The following SLC25A29 variants were observed in gnomAD, a reference collection of about 807,000 sequenced individuals.
The protein encoded by SLC25A29 is solute carrier family 25 member 29.
SLC25A29 carries 13 observed loss-of-function variants against 10.0 expected under a neutral mutation model. The ratio of observed to expected loss-of-function variants is 1.30; its 90% CI spans 0.85 to 2.07. The LOEUF (loss-of-function observed/expected upper bound fraction) is 2.07, where lower values mean the gene tolerates loss of function less well. Ranked by LOEUF, SLC25A29 falls within the 30% of genes most tolerant of loss-of-function variation. The probability of loss-of-function intolerance (pLI) is 0.00; values close to 1 mark genes in which losing one functional copy is unlikely to be tolerated. For synonymous variants in SLC25A29, 244 were observed against 221.1 expected (o/e 1.10, Z -0.92); for missense variants, 475 against 447.6 (o/e 1.06, Z -0.55).
chr14:100,284,619 C>T, the SLC25A29 span, among the ~76,000 whole-genome samples: 1 of 152,348 alleles, frequency 6.6e-6, no homozygotes, highest in African/African-American at 2.4e-5. Context: ...CAAAGCTTAC[C>T]TCTCCACCTC....
At chr14:100,303,097 G>T (rs1277438782) in intron 1 of SLC25A29, among the ~76,000 whole-genome samples, 1 of 152,122 alleles carries the variant, frequency 6.6e-6, no homozygotes, top group Non-Finnish European at 1.5e-5. Flanking sequence ...TTCCATTTGG[G>T]TTTCTGATTT....
the SLC25A29 span, chr14:100,282,299 A>G: frequency 1.3e-3 from 3 of 2,388 alleles, no homozygotes; most frequent in Non-Finnish European, 6.0e-3. Context: ...AGATGCTGTA[A>G]AAAAAAAAAA....
intron 1 of SLC25A29, 25 bp downstream of exon 1, chr14:100,306,174 C>T (rs1892936247): frequency 1.4e-6 from 2 of 1,460,232 alleles, no homozygotes; most frequent in East Asian, 5.9e-5. Flanking sequence ...TCGCCCCGGC[C>T]CGGCCCGGCC....
chr14:100,281,084 A>C, the SLC25A29 span: 2 of 150,830 alleles, frequency 1.3e-5, no homozygotes, highest in African/African-American at 4.9e-5. Flanking sequence ...AAAAAAAAAA[A>C]AAAGGAAACC....
chr14:100,306,127 G>T, intron 1 of SLC25A29, 72 bp downstream of exon 1: 1 of 1,167,726 alleles, frequency 8.6e-7, no homozygotes, highest in Non-Finnish European at 1.1e-6. Context: ...CGCGAGGCCA[G>T]GGCGTGCTGG....
intron 2 of SLC25A29, among the ~76,000 whole-genome samples, chr14:100,297,776 T>C (rs1255467181): frequency 1.3e-5 from 2 of 152,206 alleles, no homozygotes; most frequent in Non-Finnish European, 2.9e-5. Context: ...GAGTTGTGGT[T>C]TTCAGAGCTA....
the SLC25A29 span, among the ~76,000 whole-genome samples, chr14:100,286,110 C>T: frequency 3.3e-5 from 5 of 152,170 alleles, no homozygotes; most frequent in African/African-American, 2.4e-5. Flanking sequence ...GTGTTCTGGC[C>T]TCACAGTGTA....
Position 100,291,980 on chromosome 14 carries a change from T to G in SLC25A29, c.*303A>C, listed in dbSNP as rs1891729360. The stretch of plus-strand genomic sequence containing the variant: ...CCAGAAAGGGGCTGGAGTGTCTGCC[T>G]CAGTTTCCAGGATAACGGTGCAATG... On this transcript the variant is annotated 3_prime_UTR_variant, in exon 4 of 4. Coordinates refer to ENST00000359232, the MANE Select transcript of SLC25A29 (RefSeq NM_001039355.3). The G allele has an allele frequency of 2.4e-6, 1 of 417,966 alleles. No individual in the cohort carries two copies. The highest frequency in any genetic ancestry group is 4.3e-6 in the Non-Finnish European group (1 of 230,542). 25.9% of individuals were successfully genotyped at this position (417,966 alleles called of 1,614,324 possible).
rs1352293460 is a variant in SLC25A29, at chr14:100,296,046, G to C, written c.79-2669C>G. The C allele has an allele frequency of 1.6e-5, 21 of 1,279,816 alleles. No individual in the cohort carries two copies. In the South Asian group the frequency reaches 2.5e-4, roughly 15 times the overall value. 79.3% of individuals were successfully genotyped at this position (1,279,816 alleles called of 1,614,324 possible). On this transcript the variant is annotated intron_variant, in intron 2 of 3. Coordinates refer to ENST00000359232, the MANE Select transcript of SLC25A29 (RefSeq NM_001039355.3). ...GCCATGAGATAGTCTGTGGCCATGT[G>C]ACAGTACGGACTGACACAGACTCGG...
the SLC25A29 span, among the ~76,000 whole-genome samples, chr14:100,284,068 T>G: frequency 6.6e-6 from 1 of 152,080 alleles, no homozygotes; most frequent in African/African-American, 2.4e-5. Context: ...AGAACACATA[T>G]GTACCCAGTG....
Position 100,306,182 on chromosome 14 carries a change from G to T in SLC25A29, c.34+17C>A. On this transcript the variant is annotated intron_variant, in intron 1 of 3. Transcript: ENST00000359232. ...GGACGCCTCGCCCCGGCCCGGCCCGGCCCGCCGCCTCCTTACCCCCCGCGC... is the reference window on the plus strand; with the variant it reads ...GGACGCCTCGCCCCGGCCCGGCCCGTCCCGCCGCCTCCTTACCCCCCGCGC... 6.8e-7 allele frequency: 1 copy of T among 1,475,184 alleles called. No homozygotes were observed. 91.4% of individuals were successfully genotyped at this position (1,475,184 alleles called of 1,614,324 possible). A position where few individuals can be genotyped will look rare whatever the true frequency, so the allele number is the denominator to read the frequency against.
rs1005753901 is a variant in SLC25A29, at chr14:100,291,905, C to T, written c.*378G>A. ...TGGCCCCTTGGTTGGCCATCAGAGA[C>T]CCCCGGGAGCCAGCCTGCAGGGCAG... On this transcript the variant is annotated 3_prime_UTR_variant, in exon 4 of 4. Coordinates refer to ENST00000359232, the MANE Select transcript of SLC25A29 (RefSeq NM_001039355.3). 6.9e-6 allele frequency: 2 copies of T among 290,810 alleles called. No homozygotes were observed. Among genetic ancestry groups the T allele is most frequent in the Admixed American group, 1.0e-4 (2 of 19,058 alleles). 18.0% of individuals were successfully genotyped at this position (290,810 alleles called of 1,614,324 possible). A position where few individuals can be genotyped will look rare whatever the true frequency, so the allele number is the denominator to read the frequency against.
At chr14:100,279,162 C>G in the SLC25A29 span, 1 of 152,172 alleles carries the variant, frequency 6.6e-6, no homozygotes, top group Admixed American at 6.5e-5. Flanking sequence ...AAATAACAGA[C>G]TTGAGAATAC....
In SLC25A29 at chr14:100,299,274, G is replaced by A. The variant is rs1892382456; in HGVS notation, c.35-389C>T. 3.8e-6 allele frequency: 4 copies of A among 1,044,768 alleles called. No individual in the cohort carries two copies. The South Asian group carries it at 1.3e-4, about 35-fold the overall frequency. The allele number at this position is 1,044,768 out of a possible 1,614,324, so 64.7% of individuals were successfully genotyped here. A position where few individuals can be genotyped will look rare whatever the true frequency, so the allele number is the denominator to read the frequency against. On this transcript the variant is annotated intron_variant, in intron 1 of 3. Transcript: ENST00000359232. The stretch of plus-strand genomic sequence containing the variant: ...TGGGCAGGAGGCTCCAGAGATGTTG[G>A]ACTTTGGGGTCAGACCCTCCCCAGA...
chr14:100,284,761 C>T, the SLC25A29 span, among the ~76,000 whole-genome samples: 1 of 152,198 alleles, frequency 6.6e-6, no homozygotes, highest in Admixed American at 6.5e-5. Flanking sequence ...GGCTAGGGGC[C>T]GGACGCGGTG....
chr14:100,285,350 G>T, the SLC25A29 span, among the ~76,000 whole-genome samples: 5 of 151,922 alleles, frequency 3.3e-5, no homozygotes, highest in Non-Finnish European at 5.9e-5. Flanking sequence ...GCTCTGGCGG[G>T]CGGCCCCGGG....
downstream of SLC25A29, among the ~76,000 whole-genome samples, chr14:100,286,314 A>G (rs1595341859): frequency 1.3e-5 from 2 of 152,244 alleles, no homozygotes; most frequent in East Asian, 1.9e-4. Flanking sequence ...CACAACACCA[A>G]ACAGAGCCCA....
downstream of SLC25A29, among the ~76,000 whole-genome samples, chr14:100,288,382 CAAAAAAAAAAA>C (rs541814439): frequency 5.5e-4 from 35 of 63,842 alleles, no homozygotes; most frequent in South Asian, 8.6e-3. Context: ...AACTCTATCT[CAAAAAAAAAAA>C]AAAAAAAAAA....
At chr14:100,281,887 G>C in the SLC25A29 span, 2 of 152,264 alleles carry the variant, frequency 1.3e-5, no homozygotes, top group African/African-American at 2.4e-5. Context: ...TGGCCAAGAG[G>C]CTTCCTGGCA....
Sources: gnomAD v4.1 joint callset for allele counts (sites outside exome capture counted in the v4.1 genomes callset) on GRCh38, gnomAD v4.1.1 for gene constraint, MANE v1.5 for transcripts, NCBI Gene and HGNC (gene_info 2026-07-23, HGNC 2026-07-21) for gene names.